Variants in SVOPL observed in about 807,000 individuals in gnomAD.
The protein encoded by SVOPL is putative transporter SVOPL.
Under a neutral mutation model 61.0 loss-of-function variants are expected in SVOPL, and 60 were observed. That is an observed-to-expected ratio of 0.98 (90% CI 0.80 to 1.22). The LOEUF (loss-of-function observed/expected upper bound fraction) is 1.22, where lower values mean the gene tolerates loss of function less well. SVOPL is among the 50% of genes most tolerant of loss of function. The pLI is 0.00. For missense variants in SVOPL, 662 were observed against 643.9 expected (o/e 1.03, Z -0.30); for synonymous variants, 279 against 250.0 (o/e 1.12, Z -1.09).
rs1294762952 is a variant in SVOPL, at chr7:138,654,498, T to TTG, written c.534+1948_534+1949dup. On this transcript the variant is annotated intron_variant, in intron 7 of 15. Transcript: ENST00000674285. ...CTGTTTACAGCATGGTTTACTGAGT[T>TTG]TGTTTTTTTTTTTTTTTTTGAGACG... 3.7e-3 allele frequency among the ~76,000 whole-genome samples: 308 copies of TTG among 82,564 alleles called. 1 individual carries two copies. The highest frequency in any genetic ancestry group is 0.011 in the African/African-American group (261 of 24,410). 54.2% of individuals were successfully genotyped at this position (82,564 alleles called of 152,430 possible).
intron 8 of SVOPL, among the ~76,000 whole-genome samples, 176 bp downstream of exon 8, chr7:138,648,836 C>T (rs1168153929): frequency 6.6e-6 from 1 of 152,036 alleles, no homozygotes; most frequent in Non-Finnish European, 1.5e-5. Flanking sequence ...GCAGGAGAAT[C>T]ACCTGAACCT....
At chr7:138,595,536 G>A (rs1044918164) in intron 15 of SVOPL, among the ~76,000 whole-genome samples, 1 of 152,168 alleles carries the variant, frequency 6.6e-6, no homozygotes, top group East Asian at 1.9e-4. Context: ...TAGATGGTGA[G>A]TCAGGTTTCC....
chr7:138,637,458 A>C (rs1268973690), intron 9 of SVOPL, among the ~76,000 whole-genome samples: 1,092 of 18,236 alleles, frequency 0.06, 27 homozygotes, highest in African/African-American at 0.16. Flanking sequence ...ATAGATAGAT[A>C]TATATATATA....
chr7:138,629,153 G>GTGTGTGTGTC (rs10624737), intron 10 of SVOPL, among the ~76,000 whole-genome samples: 288 of 147,376 alleles, frequency 2.0e-3, no homozygotes, highest in Non-Finnish European at 3.0e-3. Context: ...GTGTGTGTGT[G>GTGTGTGTGTC]TATATATGTA....
intron 8 of SVOPL, chr7:138,645,797 GCTTC>G (rs994911600): frequency 9.8e-4 from 157 of 160,220 alleles, no homozygotes; most frequent in African/African-American, 2.8e-3. Context: ...CTTCCCTTCG[GCTTC>G]CTTGTTTTTT....
intron 6 of SVOPL, among the ~76,000 whole-genome samples, chr7:138,658,156 G>C (rs1801836235): frequency 6.6e-6 from 1 of 152,070 alleles, no homozygotes; most frequent in African/African-American, 2.4e-5. Context: ...CAGTCCTGCT[G>C]ATCTCCTATC....
rs1799981708 is a variant in SVOPL, at chr7:138,628,238, C to G, written c.989G>C (p.Ser330Thr). ...CATGTGGCAGTAGCAGGGGCTCTGG[C>G]TCTCCCCTGAGTCCCCCCCAGTCAC... ...VVVTGGDSGESQSPCYCHMFA... is the reference protein window; with the variant it reads ...VVVTGGDSGETQSPCYCHMFA... The change falls in exon 11 of 16, where the codon AGC becomes ACC. Residue 330 changes from serine (S) to threonine (T), a missense_variant. Coordinates refer to ENST00000674285, the MANE Select transcript of SVOPL (RefSeq NM_001139456.2). 6.2e-7 allele frequency: 1 copy of G among 1,614,172 alleles called. No homozygotes were observed. Among genetic ancestry groups the G allele is most frequent in the African/African-American group, 1.3e-5 (1 of 75,034 alleles).
In SVOPL at chr7:138,621,122, G is replaced by A. The variant is rs765749268; in HGVS notation, c.1277C>T (p.Thr426Met). The A allele has an allele frequency of 1.3e-5, 21 of 1,613,510 alleles. No individual in the cohort carries two copies. Among genetic ancestry groups the A allele is most frequent in the Middle Eastern group, 1.6e-4 (1 of 6,068 alleles). ...YIYTAEVYPT[T>M]MRALGMGTSG... ...GGTTCCCATCCCCAAAGCGCGCATC[G>A]TGGTGGGGTAGACCTGCAGGGAGAG... is the stretch of plus-strand genomic sequence containing the variant. The change falls in exon 14 of 16, where the codon ACG becomes ATG. Residue 426 changes from threonine to methionine, a missense_variant. Thr to Met is a moderately conservative substitution (Grantham distance 81). Coordinates refer to ENST00000674285, the MANE Select transcript of SVOPL (RefSeq NM_001139456.2).
rs1223873360 is a variant in SVOPL, at chr7:138,597,310, C to T, written c.1354-780G>A. 4 of 1,091,422 alleles carry T rather than the reference C, an allele frequency of 3.7e-6. No homozygotes were observed. The Admixed American group carries it at 7.7e-5, about 21-fold the overall frequency. The allele number at this position is 1,091,422 out of a possible 1,614,324, so 67.6% of individuals were successfully genotyped here. On this transcript the variant is annotated intron_variant, in intron 14 of 15. Transcript: ENST00000674285. ...GACCTAGAAACTATCTGGCTGAATA[C>T]AATTTCTTCCCTTTACAGATGAGCC...
At chr7:138,622,138 GTATCTATC>G (rs1288648165) in intron 13 of SVOPL, among the ~76,000 whole-genome samples, 14 of 23,452 alleles carry the variant, frequency 6.0e-4, no homozygotes, top group African/African-American at 1.6e-3. Flanking sequence ...ATCTATCTAT[GTATCTATC>G]TATGTATCTA....
At chr7:138,679,122 T>A (rs917655341) in intron 1 of SVOPL, 43 bp from the exon 2 acceptor site, 1 of 1,370,512 alleles carries the variant, frequency 7.3e-7, no homozygotes, top group Non-Finnish European at 1.0e-6. Flanking sequence ...AATATAATGG[T>A]TATTGGATAG....
chr7:138,673,243 T>C lies in SVOPL; in HGVS notation c.175-1126A>G, dbSNP rs184669472. ...TGATGTCAGCCAGCGTGTGGGACTT[T>C]GAAGTACACATATTATAGTGACTTG... On this transcript the variant is annotated intron_variant, in intron 3 of 15. Transcript: ENST00000674285. Among the ~76,000 whole-genome samples the C allele has an allele frequency of 3.2e-3, 486 of 152,344 alleles. 5 individuals carry two copies. The highest frequency in any genetic ancestry group is 0.011 in the African/African-American group (443 of 41,584).
intron 7 of SVOPL, among the ~76,000 whole-genome samples, chr7:138,651,024 C>A (rs1801407073): frequency 6.6e-6 from 1 of 151,256 alleles, no homozygotes; most frequent in African/African-American, 2.4e-5. Flanking sequence ...AACCTCTAAT[C>A]AATGGCCAGC....
chr7:138,611,892 G>C (rs1490677239), intron 14 of SVOPL, among the ~76,000 whole-genome samples: 1 of 73,222 alleles, frequency 1.4e-5, no homozygotes, highest in African/African-American at 4.9e-5. Flanking sequence ...CGTCTGGGAG[G>C]TGTGCCCAAC....
chr7:138,619,125 T>C (rs1799434785), intron 14 of SVOPL, among the ~76,000 whole-genome samples: 1 of 152,122 alleles, frequency 6.6e-6, no homozygotes, highest in African/African-American at 2.4e-5. Context: ...GTTTTACTAC[T>C]GGCAGGGTGC....
At chr7:138,617,564 T>C (rs2116852937) in intron 14 of SVOPL, among the ~76,000 whole-genome samples, 1 of 152,224 alleles carries the variant, frequency 6.6e-6, no homozygotes, top group East Asian at 1.9e-4. Flanking sequence ...TATAAGTAAC[T>C]GAGGCCAGGC....
chr7:138,645,385 G>A (rs547654950), intron 8 of SVOPL, among the ~76,000 whole-genome samples: 4 of 152,204 alleles, frequency 2.6e-5, no homozygotes, highest in South Asian at 2.1e-4. Flanking sequence ...ACCACCTCCC[G>A]TCTCTCACGC....
chr7:138,663,293 C>T (rs1023708864), intron 4 of SVOPL, 148 bp from the exon 5 acceptor site: 26 of 1,463,098 alleles, frequency 1.8e-5, no homozygotes, highest in Non-Finnish European at 2.3e-5. Flanking sequence ...GTCTTGCTTG[C>T]CCCTGAGGCC....
At chr7:138,690,087 C>G (rs1802907971) in intron 1 of SVOPL, among the ~76,000 whole-genome samples, 1 of 152,098 alleles carries the variant, frequency 6.6e-6, no homozygotes, top group Non-Finnish European at 1.5e-5. Flanking sequence ...GATTTTCCCT[C>G]CCAGCCTCAG....
Sources: gnomAD v4.1 joint callset for allele counts (sites outside exome capture counted in the v4.1 genomes callset) on GRCh38, gnomAD v4.1.1 for gene constraint, MANE v1.5 for transcripts, NCBI Gene and HGNC (gene_info 2026-07-23, HGNC 2026-07-21) for gene names.